FOXJ3: variants seen among roughly 807,000 people sequenced by gnomAD.
FOXJ3 encodes forkhead box protein J3.
In FOXJ3, 22 loss-of-function variants were observed where a neutral mutation model predicts 76.1. The ratio of observed to expected loss-of-function variants is 0.29; its 90% CI spans 0.21 to 0.41. The LOEUF is 0.41. FOXJ3 is among the 10% of genes least tolerant of loss of function. The pLI is 1.00. For synonymous variants in FOXJ3, 269 were observed against 261.2 expected (o/e 1.03, Z -0.29); for missense variants, 613 against 762.1 (o/e 0.80, Z 2.30).
chr1:42,277,796 CAAAAAAAAAAAAAAA>C lies in FOXJ3; in HGVS notation c.369+537_369+551del, dbSNP rs889209417. On this transcript the variant is annotated intron_variant, in intron 3 of 12. Transcript: ENST00000361346. ...TGGGCGACAGAGCGAGACTCCGTCT[CAAAAAAAAAAAAAAA>C]AAAAAAAAAAAAAAAATCTGCTGGG... Among the ~76,000 whole-genome samples the C allele has an allele frequency of 2.5e-3, 5 of 2,040 alleles. 1 individual carries two copies. Among genetic ancestry groups the C allele is most frequent in the Non-Finnish European group, 3.3e-3 (2 of 608 alleles). 1.3% of individuals were successfully genotyped at this position (2,040 alleles called of 152,430 possible). A position where few individuals can be genotyped will look rare whatever the true frequency, so the allele number is the denominator to read the frequency against.
intron 4 of FOXJ3, among the ~76,000 whole-genome samples, chr1:42,263,758 T>C (rs1042207782): frequency 6.6e-6 from 1 of 152,068 alleles, no homozygotes; most frequent in South Asian, 2.1e-4. Context: ...GGATACAGTA[T>C]ATTCATTCAT....
rs1237694682 is a variant in FOXJ3, at chr1:42,199,583, T to C, written c.631-353A>G. Among the ~76,000 whole-genome samples, 3 of 151,766 alleles carry C rather than the reference T, an allele frequency of 2.0e-5. No homozygotes were observed. In the East Asian group the frequency reaches 5.8e-4, roughly 29 times the overall value. ...ATTTTTGCTCAGGCTTTAAGCAAAA[T>C]TACTGTCTATCAGAATTTTAGAAAT... is the stretch of plus-strand genomic sequence containing the variant. On this transcript the variant is annotated intron_variant, in intron 6 of 12. Coordinates refer to ENST00000361346, the MANE Select transcript of FOXJ3 (RefSeq NM_014947.5).
At chr1:42,306,304 T>C (rs890194948) in intron 2 of FOXJ3, among the ~76,000 whole-genome samples, 3 of 138,628 alleles carry the variant, frequency 2.2e-5, no homozygotes, top group Admixed American at 7.3e-5. Flanking sequence ...TTTTCTTTTT[T>C]TTTTTTTTTT....
Position 42,288,765 on chromosome 1 carries a change from C to T in FOXJ3, c.45-10093G>A, listed in dbSNP as rs544755686. On this transcript the variant is annotated intron_variant, in intron 2 of 12. Coordinates refer to ENST00000361346, the MANE Select transcript of FOXJ3 (RefSeq NM_014947.5). ...AGATACTATGTGGTGTGTGATATCA[C>T]AACAGATTTAATGCAGAGAGAGATG... Among the ~76,000 whole-genome samples, 6 of 95,360 alleles carry T rather than the reference C, an allele frequency of 6.3e-5. No individual in the cohort carries two copies. The South Asian group carries it at 2.0e-3, about 31-fold the overall frequency. The allele number at this position is 95,360 out of a possible 152,430, so 62.6% of individuals were successfully genotyped here. A position where few individuals can be genotyped will look rare whatever the true frequency, so the allele number is the denominator to read the frequency against.
chr1:42,250,917 C>CA (rs138282544), intron 4 of FOXJ3, among the ~76,000 whole-genome samples: 100,391 of 149,066 alleles, frequency 0.67, 35,097 homozygotes, highest in Admixed American at 0.79. Flanking sequence ...ACCTGAAGAA[C>CA]AAAAAGATGA....
chr1:42,212,266 A>G (rs1421178132), intron 5 of FOXJ3, among the ~76,000 whole-genome samples: 1 of 152,236 alleles, frequency 6.6e-6, no homozygotes, highest in African/African-American at 2.4e-5. Flanking sequence ...ACATAATTCA[A>G]AAAGTTAATT....
At chr1:42,193,975 G>A (rs374325964) in intron 8 of FOXJ3, among the ~76,000 whole-genome samples, 1 of 152,142 alleles carries the variant, frequency 6.6e-6, no homozygotes, top group Non-Finnish European at 1.5e-5. Flanking sequence ...TGAGAATACC[G>A]CTAAAAGGCA....
rs9651235 is a variant in FOXJ3 at position 42,252,250 on chromosome 1, T to C, written c.444+12865A>G. ...AGAATTTGGCTGTGAATCCATCTGGTCCTGGACTCTTTTTGGTTGGTAAAT... is the reference window on the plus strand; with the variant it reads ...AGAATTTGGCTGTGAATCCATCTGGCCCTGGACTCTTTTTGGTTGGTAAAT... On this transcript the variant is annotated intron_variant, in intron 4 of 12. Transcript: ENST00000361346. Among the ~76,000 whole-genome samples, 644 of 152,314 alleles carry C rather than the reference T, an allele frequency of 4.2e-3. 4 individuals are homozygous for C. The highest frequency in any genetic ancestry group is 0.015 in the African/African-American group (621 of 41,562).
chr1:42,315,686 G>C (rs1655065805), intron 1 of FOXJ3, among the ~76,000 whole-genome samples: 1 of 152,142 alleles, frequency 6.6e-6, no homozygotes, highest in South Asian at 2.1e-4. Context: ...ACAGCAACAG[G>C]GAAATCTCAC....
At chr1:42,318,934 A>G (rs1655274969) in intron 1 of FOXJ3, among the ~76,000 whole-genome samples, 1 of 152,188 alleles carries the variant, frequency 6.6e-6, no homozygotes, top group Admixed American at 6.5e-5. Context: ...TCATAATAGC[A>G]AAAAAATGAA....
chr1:42,297,955 T>C (rs1268895819), intron 2 of FOXJ3, among the ~76,000 whole-genome samples: 2 of 152,178 alleles, frequency 1.3e-5, no homozygotes, highest in African/African-American at 4.8e-5. Context: ...TAGAAGGTAA[T>C]AAGGTTTGGC....
At chr1:42,200,962 T>C (rs540949972) in intron 6 of FOXJ3, among the ~76,000 whole-genome samples, 1 of 152,354 alleles carries the variant, frequency 6.6e-6, no homozygotes, top group Non-Finnish European at 1.5e-5. Context: ...ATGAACATTA[T>C]ATAATCTATG....
intron 4 of FOXJ3, among the ~76,000 whole-genome samples, chr1:42,261,397 G>A (rs1042227150): frequency 3.3e-5 from 5 of 152,240 alleles, no homozygotes; most frequent in South Asian, 2.1e-4. Context: ...CATTTTGTGT[G>A]TGTGTGTGTT....
chr1:42,192,737 CAAACATAAA>C (rs1646574925), intron 8 of FOXJ3, among the ~76,000 whole-genome samples: 1 of 147,276 alleles, frequency 6.8e-6, no homozygotes, highest in South Asian at 2.2e-4. Flanking sequence ...TATGCTGAAC[CAAACATAAA>C]AATAATTTTA....
At chr1:42,287,222 C>T (rs1570161168) in intron 2 of FOXJ3, among the ~76,000 whole-genome samples, 1 of 151,912 alleles carries the variant, frequency 6.6e-6, no homozygotes, top group Non-Finnish European at 1.5e-5. Context: ...CATCTGTAAT[C>T]CCAGCTACTT....
intron 8 of FOXJ3, among the ~76,000 whole-genome samples, chr1:42,193,188 G>A (rs986554728): frequency 6.6e-5 from 10 of 151,888 alleles, no homozygotes; most frequent in African/African-American, 1.7e-4. Flanking sequence ...AGCTTACTAG[G>A]TCTACCTCTG....
At chr1:42,275,755 T>C (rs923882194) in intron 3 of FOXJ3, among the ~76,000 whole-genome samples, 1 of 152,108 alleles carries the variant, frequency 6.6e-6, no homozygotes, top group Non-Finnish European at 1.5e-5. Flanking sequence ...CTCAAAAGTC[T>C]CCTTAAAGAA....
At chr1:42,256,856 T>C (rs1033027906) in intron 4 of FOXJ3, among the ~76,000 whole-genome samples, 1 of 152,334 alleles carries the variant, frequency 6.6e-6, no homozygotes, top group Middle Eastern at 3.4e-3. Flanking sequence ...CAAATTGTCA[T>C]AGATTCATAT....
chr1:42,251,205 G>A (rs552174773), intron 4 of FOXJ3, among the ~76,000 whole-genome samples: 1 of 152,012 alleles, frequency 6.6e-6, no homozygotes, highest in Non-Finnish European at 1.5e-5. Context: ...GGGGTTTGGG[G>A]GTGCAACACT....
Sources: allele counts gnomAD v4.1 joint callset (sites outside exome capture counted in the v4.1 genomes callset), GRCh38; gene constraint gnomAD v4.1.1; transcripts MANE v1.5; gene names NCBI Gene and HGNC (gene_info 2026-07-23, HGNC 2026-07-21).